The following DACH2 variants were observed in gnomAD, a reference collection of about 807,000 sequenced individuals.
DACH2 encodes dachshund homolog 2.
In DACH2, 17 loss-of-function variants were observed where a neutral mutation model predicts 35.8. The observed-to-expected ratio is 0.48, with a 90% CI of 0.33 to 0.71. DACH2 has a LOEUF of 0.71. Ranked by LOEUF, DACH2 falls within the 30% of genes least tolerant of loss-of-function variation. DACH2 has a pLI of 0.02. For missense variants in DACH2, 469 were observed against 472.7 expected (o/e 0.99, Z 0.07); for synonymous variants, 195 against 177.3 (o/e 1.10, Z -0.79).
intron 6 of DACH2, among the ~76,000 whole-genome samples, chrX:86,722,907 G>A (rs1472650062): frequency 9.0e-6 from 1 of 111,183 alleles, no homozygotes; most frequent in African/African-American, 3.3e-5. Flanking sequence ...AACAATTTCA[G>A]GATGATTGGT....
At chrX:86,497,993 CA>C (rs1169631372) in intron 2 of DACH2, among the ~76,000 whole-genome samples, 25 of 100,421 alleles carry the variant, frequency 2.5e-4, no homozygotes, top group Middle Eastern at 5.3e-3. Context: ...GACTGTCTTT[CA>C]AAAAAAAAAA....
intron 2 of DACH2, among the ~76,000 whole-genome samples, chrX:86,386,676 G>A (rs928273773): frequency 9.0e-6 from 1 of 111,102 alleles, no homozygotes; most frequent in African/African-American, 3.3e-5. Flanking sequence ...TGGCCATTGG[G>A]AACTCTTTCA....
At chrX:86,350,101 G>A (rs1302443093) in intron 1 of DACH2, among the ~76,000 whole-genome samples, 2 of 112,227 alleles carry the variant, frequency 1.8e-5, no homozygotes, top group African/African-American at 3.2e-5. Flanking sequence ...CTGGGAGGCG[G>A]AGGTTGCAGT....
chrX:86,800,861 G>A (rs2042286469), intron 7 of DACH2, among the ~76,000 whole-genome samples: 1 of 110,336 alleles, frequency 9.1e-6, no homozygotes, highest in East Asian at 2.9e-4. Flanking sequence ...GTAGAAATGG[G>A]GTTTCGCCAT....
intron 7 of DACH2, among the ~76,000 whole-genome samples, chrX:86,805,399 T>C (rs1187936749): frequency 1.8e-5 from 2 of 112,641 alleles, no homozygotes; most frequent in Admixed American, 9.3e-5. Flanking sequence ...AATCATGTTT[T>C]CCCTCCTAGG....
chrX:86,159,004 A>G (rs2030654097), intron 1 of DACH2, among the ~76,000 whole-genome samples: 1 of 111,850 alleles, frequency 8.9e-6, no homozygotes, highest in Non-Finnish European at 1.9e-5. Flanking sequence ...ACCATAGTTA[A>G]TTGACCTTAG....
At chrX:86,477,365 T>C (rs952729688) in intron 2 of DACH2, among the ~76,000 whole-genome samples, 1 of 101,296 alleles carries the variant, frequency 9.9e-6, no homozygotes, top group Admixed American at 1.1e-4. Context: ...TATATATATA[T>C]ATATAATTGT....
At chrX:86,499,120 A>T (rs1321446059) in intron 2 of DACH2, among the ~76,000 whole-genome samples, 1 of 112,292 alleles carries the variant, frequency 8.9e-6, no homozygotes, top group African/African-American at 3.2e-5. Flanking sequence ...AGTTCCTGCC[A>T]ACGTTATATA....
intron 1 of DACH2, among the ~76,000 whole-genome samples, chrX:86,247,478 GATT>G (rs1387863367): frequency 9.0e-6 from 1 of 111,440 alleles, no homozygotes; most frequent in Non-Finnish European, 1.9e-5. Flanking sequence ...AACACCCAGT[GATT>G]ATTACAAATA....
intron 1 of DACH2, among the ~76,000 whole-genome samples, chrX:86,219,650 G>A (rs1331415161): frequency 1.8e-5 from 2 of 111,253 alleles, no homozygotes; most frequent in Non-Finnish European, 3.8e-5. Context: ...CCATTACATA[G>A]GTTGTCTTTT....
chrX:86,282,952 T>C (rs2034064347), intron 1 of DACH2, among the ~76,000 whole-genome samples: 1 of 43,540 alleles, frequency 2.3e-5, no homozygotes, highest in Non-Finnish European at 3.5e-5. Flanking sequence ...TAATTTTTTG[T>C]ATTTTTTAGT....
chrX:86,642,289 A>G (rs1486021508), intron 3 of DACH2, among the ~76,000 whole-genome samples: 1 of 111,900 alleles, frequency 8.9e-6, no homozygotes, highest in African/African-American at 3.2e-5. Flanking sequence ...AAAACAGAAA[A>G]AAACAGGAGT....
At chrX:86,336,824 C>A (rs368659564) in intron 1 of DACH2, among the ~76,000 whole-genome samples, 13 of 109,416 alleles carry the variant, frequency 1.2e-4, no homozygotes, top group African/African-American at 4.3e-4. Flanking sequence ...AGCTAAGAAC[C>A]TTGAAAACAG....
chrX:86,233,508 G>A (rs1454635921), intron 1 of DACH2, among the ~76,000 whole-genome samples: 1 of 111,805 alleles, frequency 8.9e-6, no homozygotes, highest in Non-Finnish European at 1.9e-5. Context: ...CTGGTTTCCA[G>A]GTTGGGACTT....
intron 3 of DACH2, among the ~76,000 whole-genome samples, chrX:86,570,405 C>A (rs2039350636): frequency 9.0e-6 from 1 of 111,265 alleles, no homozygotes; most frequent in Non-Finnish European, 1.9e-5. Flanking sequence ...TACTATGCAG[C>A]CATAAAGGGG....
chrX:86,639,739 C>T (rs2040322777), intron 3 of DACH2, among the ~76,000 whole-genome samples: 1 of 111,613 alleles, frequency 9.0e-6, no homozygotes, highest in Non-Finnish European at 1.9e-5. Flanking sequence ...ACCATCTTTG[C>T]TACTGGGGCA....
chrX:86,800,296 C>A (rs12851130), intron 7 of DACH2, among the ~76,000 whole-genome samples: 2 of 111,443 alleles, frequency 1.8e-5, no homozygotes, highest in Non-Finnish European at 3.8e-5. Flanking sequence ...TGATAAAAGT[C>A]ATTAAGTAAG....
At chrX:86,282,470 T>A (rs1188902022) in intron 1 of DACH2, among the ~76,000 whole-genome samples, 3 of 111,030 alleles carry the variant, frequency 2.7e-5, no homozygotes, top group African/African-American at 9.8e-5. Flanking sequence ...AGGAAACTGG[T>A]CCCCTTCCTT....
intron 1 of DACH2, among the ~76,000 whole-genome samples, chrX:86,339,108 C>G (rs183426024): frequency 1.8e-5 from 2 of 111,663 alleles, no homozygotes; most frequent in Admixed American, 1.9e-4. Context: ...CAGGACCAGA[C>G]GGATTCACAG....
Sources: gnomAD v4.1 joint callset for allele counts (sites outside exome capture counted in the v4.1 genomes callset) on GRCh38, gnomAD v4.1.1 for gene constraint, MANE v1.5 for transcripts, NCBI Gene and HGNC (gene_info 2026-07-23, HGNC 2026-07-21) for gene names.